SH3GL3: variants seen among roughly 807,000 people sequenced by gnomAD.
The protein encoded by SH3GL3 is SH3 domain containing GRB2 like 3, endophilin A3, also known as endophilin-A3.
A neutral mutation model predicts 47.7 loss-of-function variants in SH3GL3; 33 were observed. That is an observed-to-expected ratio of 0.69 (90% CI 0.52 to 0.92). SH3GL3 has a LOEUF of 0.92. Among genes scored for constraint, SH3GL3 ranks in the 40% least tolerant of loss-of-function variants. The pLI, the probability that SH3GL3 is intolerant of heterozygous loss-of-function variation, is 0.00. For missense variants in SH3GL3, 363 were observed against 417.8 expected, an observed-to-expected ratio of 0.87 and a Z score of 1.14; for synonymous variants, 155 against 148.8, an observed-to-expected ratio of 1.04 and a Z score of -0.30.
chr15:83,456,734 G>A (rs1044588518), intron 1 of SH3GL3, among the ~76,000 whole-genome samples: 5 of 149,864 alleles, frequency 3.3e-5, no homozygotes, highest in East Asian at 2.0e-4. Context: ...GATGAACCCG[G>A]TACCTCAGAT....
chr15:83,479,033 C>A (rs2041221633), intron 1 of SH3GL3, among the ~76,000 whole-genome samples: 1 of 152,184 alleles, frequency 6.6e-6, no homozygotes, highest in Non-Finnish European at 1.5e-5. Flanking sequence ...TGGGTGATGA[C>A]TTATGTCTCT....
intron 2 of SH3GL3, among the ~76,000 whole-genome samples, chr15:83,563,280 A>G (rs1050760651): frequency 1.6e-4 from 25 of 152,054 alleles, no homozygotes; most frequent in African/African-American, 5.6e-4. Flanking sequence ...TGGATGTTTC[A>G]TAATTTATCC....
chr15:83,575,761 C>A (rs1302865766), intron 5 of SH3GL3, among the ~76,000 whole-genome samples: 3 of 152,214 alleles, frequency 2.0e-5, no homozygotes, highest in Non-Finnish European at 4.4e-5. Flanking sequence ...TATCCCCATG[C>A]TTCAGTGGGA....
chr15:83,480,961 T>C lies in SH3GL3; in HGVS notation c.45+33383T>C, dbSNP rs1338103081. ...TGCCTGCCTTCTTGCCTGGTGCCTGTTTGTTCTTTTTGGATTAAGAGAAAT... is the reference window on the plus strand; with the variant it reads ...TGCCTGCCTTCTTGCCTGGTGCCTGCTTGTTCTTTTTGGATTAAGAGAAAT... On this transcript the variant is annotated intron_variant, in intron 1 of 8. Coordinates refer to ENST00000427482, the MANE Select transcript of SH3GL3 (RefSeq NM_003027.5). Among the ~76,000 whole-genome samples the C allele has an allele frequency of 4.6e-5, 7 of 152,222 alleles. No homozygotes were observed. The East Asian group carries it at 1.4e-3, about 29-fold the overall frequency.
chr15:83,616,464 G>A (rs2060820961), intron 8 of SH3GL3, among the ~76,000 whole-genome samples: 1 of 151,618 alleles, frequency 6.6e-6, no homozygotes, highest in African/African-American at 2.4e-5. Flanking sequence ...CTGTGTTCTC[G>A]ATCTCCTGAA....
intron 1 of SH3GL3, among the ~76,000 whole-genome samples, chr15:83,529,424 G>A (rs886117043): frequency 3.9e-5 from 6 of 152,088 alleles, no homozygotes; most frequent in African/African-American, 1.4e-4. Flanking sequence ...AGGCTTCCAG[G>A]CAGTTAGTGA....
At chr15:83,554,816 A>G (rs555287087) in intron 1 of SH3GL3, among the ~76,000 whole-genome samples, 11 of 152,136 alleles carry the variant, frequency 7.2e-5, no homozygotes, top group Non-Finnish European at 1.3e-4. Flanking sequence ...TAGTTTTAGG[A>G]TTGTTTATTT....
intron 1 of SH3GL3, 93 bp from the exon 2 acceptor site, chr15:83,559,160 C>A: frequency 1.3e-6 from 1 of 748,928 alleles, no homozygotes; most frequent in Non-Finnish European, 2.2e-6. Flanking sequence ...CAAGTTGAAT[C>A]CAAGTTTTTT....
chr15:83,586,528 T>C (rs2059960088), intron 6 of SH3GL3, among the ~76,000 whole-genome samples: 1 of 152,244 alleles, frequency 6.6e-6, no homozygotes, highest in East Asian at 1.9e-4. Context: ...CTGTTTCATT[T>C]ACAGTTCTTA....
intron 1 of SH3GL3, among the ~76,000 whole-genome samples, chr15:83,538,731 A>G (rs1171347863): frequency 1.3e-5 from 2 of 152,148 alleles, no homozygotes; most frequent in Non-Finnish European, 2.9e-5. Flanking sequence ...AATACTATAT[A>G]GTGTTGTATT....
intron 8 of SH3GL3, among the ~76,000 whole-genome samples, chr15:83,593,818 A>AT (rs112418681): frequency 4.5e-4 from 66 of 147,770 alleles, no homozygotes; most frequent in East Asian, 9.9e-4. Flanking sequence ...TTTTTCATAG[A>AT]TTTTTTTTTT....
chr15:83,539,289 G>C (rs553300943), intron 1 of SH3GL3, among the ~76,000 whole-genome samples: 8 of 152,268 alleles, frequency 5.3e-5, no homozygotes, highest in Admixed American at 4.6e-4. Context: ...TGTCTGATAA[G>C]GGCCTTCCTG....
Position 83,576,741 on chromosome 15 carries a change from TGTAA to T in SH3GL3, c.624+4_624+7del. 1 of 1,589,706 alleles carries T rather than the reference TGTAA, an allele frequency of 6.3e-7. No homozygotes were observed. The highest frequency in any genetic ancestry group is 8.6e-7 in the Non-Finnish European group (1 of 1,163,354). ...GCATGTTTAACTTTTTAGAAAATGATGTAAGTATTTAAACCAAATAGGAGATTTT... is the reference window on the plus strand; with the variant it reads ...GCATGTTTAACTTTTTAGAAAATGATGTATTTAAACCAAATAGGAGATTTT... On this transcript the variant is annotated splice_donor_variant and splice_donor_region_variant and intron_variant, in intron 6 of 8. Coordinates refer to ENST00000427482, the MANE Select transcript of SH3GL3 (RefSeq NM_003027.5). LOFTEE classifies it high-confidence loss of function.
chr15:83,606,374 A>G (rs2060516138), intron 8 of SH3GL3, among the ~76,000 whole-genome samples: 1 of 152,272 alleles, frequency 6.6e-6, no homozygotes, highest in African/African-American at 2.4e-5. Context: ...ACATTAGAAA[A>G]TAAACATTTA....
At chr15:83,502,631 C>T (rs191840996) in intron 1 of SH3GL3, among the ~76,000 whole-genome samples, 5 of 152,280 alleles carry the variant, frequency 3.3e-5, no homozygotes, top group Admixed American at 2.0e-4. Context: ...CATCATGGCT[C>T]ACTGTAGCCT....
At chr15:83,557,389 G>A (rs1015741262) in intron 1 of SH3GL3, among the ~76,000 whole-genome samples, 21 of 152,232 alleles carry the variant, frequency 1.4e-4, no homozygotes, top group Non-Finnish European at 7.3e-5. Flanking sequence ...GTTATGCCTT[G>A]TATCAAGACA....
chr15:83,515,852 C>G, intron 1 of SH3GL3, among the ~76,000 whole-genome samples: 1 of 152,144 alleles, frequency 6.6e-6, no homozygotes, highest in Non-Finnish European at 1.5e-5. Flanking sequence ...TTCACACACA[C>G]TCGTGAAGTT....
chr15:83,499,976 GGACACAT>G (rs1423553182), intron 1 of SH3GL3, among the ~76,000 whole-genome samples: 1 of 152,178 alleles, frequency 6.6e-6, no homozygotes, highest in Non-Finnish European at 1.5e-5. Flanking sequence ...GCTGAAAAAT[GGACACAT>G]GACACTGGAG....
At chr15:83,461,032 G>A (rs2040270261) in intron 1 of SH3GL3, among the ~76,000 whole-genome samples, 1 of 151,288 alleles carries the variant, frequency 6.6e-6, no homozygotes, top group African/African-American at 2.4e-5. Context: ...GTAGTGAGCC[G>A]AGATCACGCC....
Sources: allele counts gnomAD v4.1 joint callset (sites outside exome capture counted in the v4.1 genomes callset), GRCh38; gene constraint gnomAD v4.1.1; transcripts MANE v1.5; gene names NCBI Gene and HGNC (gene_info 2026-07-23, HGNC 2026-07-21).